SCAI: variants seen among roughly 807,000 people sequenced by gnomAD.
SCAI encodes the protein suppressor of cancer cell invasion.
A neutral mutation model predicts 92.2 loss-of-function variants in SCAI; 24 were observed. That is an observed-to-expected ratio of 0.26 (90% confidence interval 0.19 to 0.37). SCAI has a LOEUF of 0.37. SCAI is among the 10% of genes least tolerant of loss of function. The pLI, the probability that SCAI is intolerant of heterozygous loss-of-function variation, is 1.00. For missense variants in SCAI, 450 were observed against 736.2 expected, an observed-to-expected ratio of 0.61 and a Z score of 4.50; for synonymous variants, 261 against 258.6, an observed-to-expected ratio of 1.01 and a Z score of -0.09.
At chr9:125,126,403 G>A (rs1024474368) in intron 2 of SCAI, among the ~76,000 whole-genome samples, 4 of 151,898 alleles carry the variant, frequency 2.6e-5, no homozygotes, top group African/African-American at 4.8e-5. Context: ...GTGTGTGTGT[G>A]TGTGTGTGTG....
At chr9:125,140,690 CAAAAA>C (rs35807255) in intron 2 of SCAI, among the ~76,000 whole-genome samples, 5 of 76,502 alleles carry the variant, frequency 6.5e-5, no homozygotes, top group African/African-American at 2.1e-4. Context: ...CTTGTCTCTA[CAAAAA>C]AAAAAAAAAA....
At position 124,994,972 on chromosome 9, in the gene SCAI, A is replaced by G; in HGVS notation, c.1288T>C (p.Phe430Leu). Residue 430 changes from phenylalanine to leucine, a missense_variant, in exon 14 of 18, where the codon TTC (phenylalanine) becomes CTC (leucine). Phe to Leu is a conservative substitution (Grantham distance 22). Around this residue, in one of 3 missense-constraint regions of SCAI, gnomAD observed 360 missense variants for 601.8 expected, o/e 0.60. Coordinates refer to ENST00000336505, the MANE Select transcript of SCAI (RefSeq NM_001144877.3). ...DLYPFTRKPL[F>L]IIVDSSNSVA... ...CTATTAGACGAATCCACAATGATGAACAGTGGCTTCCTGGTGAAAGGATAG... is the reference window on the plus strand; with the variant it reads ...CTATTAGACGAATCCACAATGATGAGCAGTGGCTTCCTGGTGAAAGGATAG... The G allele has an allele frequency of 6.2e-7, 1 of 1,613,106 alleles. No homozygotes were observed. Among genetic ancestry groups the G allele is most frequent in the Non-Finnish European group, 8.5e-7 (1 of 1,179,696 alleles).
chr9:125,008,985 T>C (rs976382078), intron 9 of SCAI, among the ~76,000 whole-genome samples: 26 of 152,140 alleles, frequency 1.7e-4, no homozygotes, highest in African/African-American at 6.3e-4. Context: ...GTGGATATAA[T>C]ATGTGACTAA....
chr9:125,128,496 G>A (rs986511394), intron 2 of SCAI, among the ~76,000 whole-genome samples: 1 of 152,084 alleles, frequency 6.6e-6, no homozygotes, highest in Non-Finnish European at 1.5e-5. Context: ...GCTCACGCCT[G>A]TAATCCCAGC....
intron 2 of SCAI, among the ~76,000 whole-genome samples, chr9:125,137,658 T>G (rs1835568895): frequency 6.6e-6 from 1 of 152,186 alleles, no homozygotes. Context: ...TGGAGTGCAG[T>G]GGTGCAATCT....
intron 9 of SCAI, among the ~76,000 whole-genome samples, chr9:125,011,043 C>G (rs111456599): frequency 3.0e-4 from 45 of 152,288 alleles, no homozygotes; most frequent in African/African-American, 1.0e-3. Context: ...ACATCCCCAT[C>G]ATCAAAGACC....
intron 2 of SCAI, among the ~76,000 whole-genome samples, chr9:125,069,617 CTTTT>C (rs919064250): frequency 1.2e-4 from 11 of 91,040 alleles, no homozygotes; most frequent in Admixed American, 2.5e-4. Context: ...TGCACCCGGT[CTTTT>C]TTTTTTTTTT....
At position 125,024,050 on chromosome 9, in the gene SCAI, A is replaced by AT. The variant is rs138846587; in HGVS notation, c.512+2761dup. On this transcript the variant is annotated intron_variant, in intron 6 of 17. Coordinates refer to ENST00000336505, the MANE Select transcript of SCAI (RefSeq NM_001144877.3). Reference sequence around the variant, plus strand: ...ACATTCATATTTCCCACTGAAAAAAATACTGTCACCACTTATGTTGACATC... The same window carrying AT: ...ACATTCATATTTCCCACTGAAAAAAATTACTGTCACCACTTATGTTGACATC... 2.9e-3 allele frequency among the ~76,000 whole-genome samples: 435 copies of AT among 152,178 alleles called. 2 individuals carry two copies. Among genetic ancestry groups the AT allele is most frequent in the African/African-American group, 9.7e-3 (401 of 41,536 alleles).
chr9:125,007,580 G>A (rs1179595818), intron 9 of SCAI, among the ~76,000 whole-genome samples: 1 of 151,952 alleles, frequency 6.6e-6, no homozygotes, highest in Admixed American at 6.6e-5. Context: ...AGCCTGGGAG[G>A]TCAAGGCTAC....
intron 14 of SCAI, among the ~76,000 whole-genome samples, chr9:124,979,475 G>A (rs1831833390): frequency 6.6e-6 from 1 of 151,878 alleles, no homozygotes; most frequent in Admixed American, 6.6e-5. Flanking sequence ...AGGAGGCGGA[G>A]GTTGCAGTGA....
Position 125,003,547 on chromosome 9 carries a change from A to G in SCAI, c.885T>C (p.Val295=). 6.2e-7 allele frequency: 1 copy of G among 1,612,920 alleles called. No homozygotes were observed. The highest frequency in any genetic ancestry group is 8.5e-7 in the Non-Finnish European group (1 of 1,178,948). Residue 295 remains valine (V), a synonymous_variant, in exon 10 of 18, where the codon GTT becomes GTC. Coordinates refer to ENST00000336505, the MANE Select transcript of SCAI (RefSeq NM_001144877.3). The stretch of plus-strand genomic sequence containing the variant: ...GAGCTTGTAACATCCGGAACATGTC[A>G]ACAGTTAGTTCACTGAACTTAACCT... The part of the protein sequence containing the change: ...NNQVKFSELT[V]DMFRMLQALE...
intron 17 of SCAI, among the ~76,000 whole-genome samples, chr9:124,956,034 T>G (rs1831310360): frequency 6.6e-6 from 1 of 152,200 alleles, no homozygotes; most frequent in African/African-American, 2.4e-5. Context: ...ACTCAATTTA[T>G]GAGGTCAGCG....
intron 2 of SCAI, among the ~76,000 whole-genome samples, chr9:125,088,326 C>T (rs1401680701): frequency 1.3e-5 from 2 of 152,126 alleles, no homozygotes; most frequent in Non-Finnish European, 1.5e-5. Flanking sequence ...GGAGGAGGGG[C>T]CTGATAGGAG....
At chr9:125,092,440 A>G (rs1157693638) in intron 2 of SCAI, among the ~76,000 whole-genome samples, 1 of 152,170 alleles carries the variant, frequency 6.6e-6, no homozygotes, top group African/African-American at 2.4e-5. Context: ...GCAACAGAGC[A>G]AGACTCTGTC....
chr9:125,033,952 A>G (rs1281043829), intron 3 of SCAI, among the ~76,000 whole-genome samples: 1 of 152,240 alleles, frequency 6.6e-6, no homozygotes, highest in East Asian at 1.9e-4. Context: ...CAATATTATT[A>G]CTTCCCACCA....
chr9:124,979,851 C>G (rs1244755046), intron 14 of SCAI, among the ~76,000 whole-genome samples: 1 of 151,986 alleles, frequency 6.6e-6, no homozygotes, highest in Non-Finnish European at 1.5e-5. Flanking sequence ...TGATCGAGAC[C>G]ATCCTGGCTA....
chr9:125,142,441 G>GAAA, intron 2 of SCAI, 192 bp downstream of exon 2: 1 of 428,518 alleles, frequency 2.3e-6, no homozygotes. Flanking sequence ...TAGATACCAA[G>GAAA]AAAAAAAAAA....
chr9:125,137,799 G>A (rs555996262), intron 2 of SCAI, among the ~76,000 whole-genome samples: 136 of 151,908 alleles, frequency 9.0e-4, no homozygotes, highest in African/African-American at 3.2e-3. Context: ...ATGGGGTTTC[G>A]TCATGTTGGC....
intron 2 of SCAI, among the ~76,000 whole-genome samples, chr9:125,063,270 A>T (rs1588189746): frequency 6.6e-6 from 1 of 150,744 alleles, no homozygotes; most frequent in East Asian, 2.0e-4. Flanking sequence ...TTAGATAGGC[A>T]TGGTGGCACA....
Sources: allele counts gnomAD v4.1 joint callset (sites outside exome capture counted in the v4.1 genomes callset), GRCh38; gene constraint gnomAD v4.1.1; regional missense constraint gnomAD v4.1.1; transcripts MANE v1.5; gene names NCBI Gene and HGNC (gene_info 2026-07-23, HGNC 2026-07-21).